Variants in KAT6B observed in about 807,000 individuals in gnomAD.
KAT6B encodes the protein histone acetyltransferase KAT6B.
In KAT6B, 10 loss-of-function variants were observed where a neutral mutation model predicts 187.5. That is an observed-to-expected ratio of 0.05 (90% CI 0.03 to 0.09). The LOEUF is 0.09. KAT6B is among the 10% of genes least tolerant of loss of function. The probability of loss-of-function intolerance (pLI) is 1.00; values close to 1 mark genes in which losing one functional copy is unlikely to be tolerated. For missense variants in KAT6B, 1,952 were observed against 2,558.9 expected (o/e 0.76, Z 5.12); for synonymous variants, 861 against 926.8 (o/e 0.93, Z 1.29).
intron 13 of KAT6B, among the ~76,000 whole-genome samples, chr10:75,004,957 C>T (rs1282058561): frequency 6.6e-6 from 1 of 151,968 alleles, no homozygotes; most frequent in African/African-American, 2.4e-5. Flanking sequence ...TCAAGTTATG[C>T]TCCTGCCTCG....
At chr10:74,933,950 C>G (rs1173961504) in intron 3 of KAT6B, among the ~76,000 whole-genome samples, 2 of 152,140 alleles carry the variant, frequency 1.3e-5, no homozygotes, top group East Asian at 3.9e-4. Flanking sequence ...CTTTGGGAGG[C>G]CGAGGCGGGC....
chr10:74,843,837 T>C (rs940318193), intron 3 of KAT6B, among the ~76,000 whole-genome samples: 1 of 152,184 alleles, frequency 6.6e-6, no homozygotes, highest in East Asian at 1.9e-4. Context: ...TTCTCTTTAT[T>C]ACTATTTTCA....
chr10:74,854,012 G>T (rs1174955790), intron 3 of KAT6B, among the ~76,000 whole-genome samples: 1 of 152,002 alleles, frequency 6.6e-6, no homozygotes, highest in Non-Finnish European at 1.5e-5. Context: ...CCTTTTCTTG[G>T]CCCTGTGCCT....
chr10:74,972,582 A>G lies in KAT6B; in HGVS notation c.1004A>G (p.Lys335Arg). ...KLLHEKAAQIKRRYAKPIGRP... is the reference protein window; with the variant it reads ...KLLHEKAAQIRRRYAKPIGRP... ...CTTCATGAGAAAGCTGCACAAATAA[A>G]ACGACGATATGCAAAACCCATTGGA... Residue 335 changes from lysine (K) to arginine (R), a missense_variant, in exon 7 of 18, where the codon AAA (lysine) becomes AGA (arginine). This residue lies in a region of KAT6B where 417 missense variants were observed against 508.9 expected (regional missense o/e 0.82). Transcript: ENST00000287239. 1 of 1,596,564 alleles carries G rather than the reference A, an allele frequency of 6.3e-7. No homozygotes were observed. Among genetic ancestry groups the G allele is most frequent in the Non-Finnish European group, 8.6e-7 (1 of 1,169,412 alleles).
chr10:74,953,504 C>T (rs191935522), intron 3 of KAT6B, among the ~76,000 whole-genome samples: 2 of 152,258 alleles, frequency 1.3e-5, no homozygotes, highest in South Asian at 2.1e-4. Flanking sequence ...GCTTAGAGAG[C>T]AGCGTTTAAA....
intron 1 of KAT6B, among the ~76,000 whole-genome samples, chr10:74,836,510 TG>T (rs1841322856): frequency 6.6e-6 from 1 of 152,234 alleles, no homozygotes. Flanking sequence ...GCTAAATATT[TG>T]TTGGTTTTTC....
chr10:74,835,052 T>G (rs749843224), intron 1 of KAT6B, among the ~76,000 whole-genome samples: 4 of 152,182 alleles, frequency 2.6e-5, no homozygotes, highest in Non-Finnish European at 4.4e-5. Context: ...TGAATCCTGT[T>G]TTTAAGAATT....
intron 3 of KAT6B, among the ~76,000 whole-genome samples, chr10:74,861,726 T>A (rs541077931): frequency 1.3e-5 from 2 of 152,244 alleles, no homozygotes; most frequent in African/African-American, 2.4e-5. Flanking sequence ...TAGGTTCTTA[T>A]AAACATGAGC....
intron 3 of KAT6B, among the ~76,000 whole-genome samples, chr10:74,928,844 A>G (rs1453047542): frequency 2.0e-5 from 3 of 152,222 alleles, no homozygotes; most frequent in South Asian, 4.1e-4. Context: ...AATAATGCCT[A>G]CAATGACTTT....
chr10:74,900,745 C>G (rs1460620335), intron 3 of KAT6B, among the ~76,000 whole-genome samples: 1 of 152,184 alleles, frequency 6.6e-6, no homozygotes, highest in Non-Finnish European at 1.5e-5. Context: ...GCATAGCAGT[C>G]CCAGCCAATA....
At chr10:74,850,227 C>T (rs1021856593) in intron 3 of KAT6B, among the ~76,000 whole-genome samples, 9 of 152,188 alleles carry the variant, frequency 5.9e-5, no homozygotes, top group African/African-American at 2.2e-4. Context: ...AAAAGTATCT[C>T]TTCCAGTTCT....
intron 3 of KAT6B, among the ~76,000 whole-genome samples, chr10:74,956,935 C>A (rs370270186): frequency 6.6e-6 from 1 of 152,080 alleles, no homozygotes; most frequent in Non-Finnish European, 1.5e-5. Context: ...AGGTTAGGTG[C>A]CTTTGTGAAA....
chr10:75,013,307 G>A (rs1844743827), intron 13 of KAT6B, among the ~76,000 whole-genome samples: 1 of 152,120 alleles, frequency 6.6e-6, no homozygotes, highest in South Asian at 2.1e-4. Flanking sequence ...GCACAGAACT[G>A]TGTTTGCTGG....
At chr10:74,946,472 C>A (rs1839956027) in intron 3 of KAT6B, among the ~76,000 whole-genome samples, 1 of 152,156 alleles carries the variant, frequency 6.6e-6, no homozygotes, top group African/African-American at 2.4e-5. Context: ...TAGCCCTGAA[C>A]TTAAAACAAA....
intron 4 of KAT6B, among the ~76,000 whole-genome samples, chr10:74,967,669 A>C (rs1028234063): frequency 5.9e-4 from 90 of 152,220 alleles, no homozygotes; most frequent in African/African-American, 2.1e-3. Context: ...TTGATAGGGT[A>C]GCTTAAATAG....
intron 3 of KAT6B, among the ~76,000 whole-genome samples, chr10:74,934,446 A>C (rs1849100335): frequency 1.3e-5 from 2 of 152,054 alleles, no homozygotes; most frequent in African/African-American, 4.8e-5. Flanking sequence ...TTCTCTTCCA[A>C]ATTCCTAGAA....
chr10:74,971,498 A>G (rs748233319), intron 6 of KAT6B, among the ~76,000 whole-genome samples: 1 of 152,232 alleles, frequency 6.6e-6, no homozygotes, highest in Admixed American at 6.5e-5. Context: ...TACCAGTTTG[A>G]TAATAGAAAT....
chr10:74,976,430 C>A, intron 8 of KAT6B, 100 bp downstream of exon 8: 1 of 948,476 alleles, frequency 1.1e-6, no homozygotes, highest in Non-Finnish European at 1.7e-6. Flanking sequence ...TCACATAGGT[C>A]TTAGCTATTT....
intron 3 of KAT6B, among the ~76,000 whole-genome samples, chr10:74,856,217 C>G (rs918742868): frequency 2.6e-5 from 4 of 152,186 alleles, no homozygotes; most frequent in African/African-American, 9.6e-5. Flanking sequence ...TCCCGAGCAG[C>G]TGGGACTACA....
Sources: gnomAD v4.1 joint callset for allele counts (sites outside exome capture counted in the v4.1 genomes callset) on GRCh38, gnomAD v4.1.1 for gene constraint, gnomAD v4.1.1 regional missense constraint, MANE v1.5 for transcripts, NCBI Gene and HGNC (gene_info 2026-07-23, HGNC 2026-07-21) for gene names.